The following BNC2 variants were observed in gnomAD, a reference collection of about 807,000 sequenced individuals.
The protein encoded by BNC2 is zinc finger protein basonuclin-2.
BNC2 carries 20 observed loss-of-function variants against 76.3 expected under a neutral mutation model. That is an observed-to-expected ratio of 0.26 (90% CI 0.18 to 0.38). BNC2 has a LOEUF of 0.38. BNC2 is among the 10% of genes least tolerant of loss of function. The pLI, the probability that BNC2 is intolerant of heterozygous loss-of-function variation, is 1.00. For synonymous variants in BNC2, 582 were observed against 514.8 expected (o/e 1.13, Z -1.77); for missense variants, 1,382 against 1,399.8 (o/e 0.99, Z 0.20).
chr9:16,447,729 GC>G, intron 5 of BNC2, among the ~76,000 whole-genome samples: 1 of 152,104 alleles, frequency 6.6e-6, no homozygotes, highest in Non-Finnish European at 1.5e-5. Flanking sequence ...TCCCTAAGAG[GC>G]CTTGGAAACC....
At chr9:16,789,009 T>G (rs1217353573) in intron 1 of BNC2, among the ~76,000 whole-genome samples, 1 of 152,164 alleles carries the variant, frequency 6.6e-6, no homozygotes, top group Admixed American at 6.5e-5. Flanking sequence ...CTTGCTCCTC[T>G]CAAATCCATC....
chr9:16,709,547 A>T (rs1823773829), intron 3 of BNC2, among the ~76,000 whole-genome samples: 1 of 152,118 alleles, frequency 6.6e-6, no homozygotes, highest in Admixed American at 6.5e-5. Context: ...GATGTTAAAG[A>T]ACTCAGATGC....
rs976987970 is a variant in BNC2, at chr9:16,436,957, C to G, written c.1237G>C (p.Asp413His). Reference protein sequence around the residue: ...SPIQNSAPVSDLTKTEHPKSS... With the variant: ...SPIQNSAPVSHLTKTEHPKSS... ...TTTGGGTGTTCAGTTTTGGTTAGAT[C>G]ACTGACTGGGGCAGAATTCTGAATG... Residue 413 changes from aspartate (D) to histidine (H), a missense_variant, in exon 6 of 7, where the codon GAT becomes CAT. By Grantham distance (81) the Asp-to-His change is moderately conservative (BLOSUM62 -1). This residue lies in a region of BNC2 where 557 missense variants were observed against 540.9 expected (regional missense o/e 1.03). Coordinates refer to ENST00000380672, the MANE Select transcript of BNC2 (RefSeq NM_017637.6). 6.2e-7 allele frequency: 1 copy of G among 1,614,016 alleles called. No individual in the cohort carries two copies. The highest frequency in any genetic ancestry group is 8.5e-7 in the Non-Finnish European group (1 of 1,180,042).
chr9:16,636,309 C>CT (rs112608609), intron 3 of BNC2, among the ~76,000 whole-genome samples: 47 of 148,318 alleles, frequency 3.2e-4, no homozygotes, highest in Admixed American at 6.7e-4. Context: ...TGAAGACTTT[C>CT]TTTTTTTTTT....
intron 1 of BNC2, among the ~76,000 whole-genome samples, chr9:16,768,535 A>C (rs2135438724): frequency 6.6e-6 from 1 of 152,314 alleles, no homozygotes; most frequent in South Asian, 2.1e-4. Flanking sequence ...GATAGACCAA[A>C]TGCACATGTT....
chr9:16,840,912 C>G lies in BNC2; in HGVS notation c.3+29734G>C, dbSNP rs1818808249. 2.0e-5 allele frequency among the ~76,000 whole-genome samples: 3 copies of G among 152,322 alleles called. No homozygotes were observed. The South Asian group carries it at 6.2e-4, about 32-fold the overall frequency. On this transcript the variant is annotated intron_variant, in intron 1 of 6. Coordinates refer to ENST00000380672, the MANE Select transcript of BNC2 (RefSeq NM_017637.6). ...GCCACTCCACAATAAACAGGCCTAA[C>G]TGTAGATAATATTGTATCTAACAAA...
At chr9:16,671,710 C>T (rs1822482906) in intron 3 of BNC2, among the ~76,000 whole-genome samples, 1 of 152,170 alleles carries the variant, frequency 6.6e-6, no homozygotes, top group South Asian at 2.1e-4. Context: ...AGTTGGCCCA[C>T]CGTTAGTCAC....
chr9:16,796,303 C>T (rs553498234), intron 1 of BNC2, among the ~76,000 whole-genome samples: 29 of 152,272 alleles, frequency 1.9e-4, no homozygotes, highest in African/African-American at 6.7e-4. Context: ...TCACAAAAGT[C>T]TAGTCCTTTA....
intron 4 of BNC2, among the ~76,000 whole-genome samples, chr9:16,579,294 T>A (rs1047237010): frequency 2.0e-5 from 3 of 152,044 alleles, no homozygotes; most frequent in Admixed American, 1.3e-4. Context: ...ATTTTTTTTT[T>A]ATTTTTGAGA....
At chr9:16,815,695 A>G (rs941792952) in intron 1 of BNC2, among the ~76,000 whole-genome samples, 5 of 152,206 alleles carry the variant, frequency 3.3e-5, no homozygotes, top group Non-Finnish European at 7.3e-5. Context: ...ACTTCCTGCT[A>G]TATCTGTGCT....
intron 1 of BNC2, among the ~76,000 whole-genome samples, chr9:16,767,257 C>T (rs1483274025): frequency 2.6e-5 from 4 of 152,194 alleles, no homozygotes; most frequent in Admixed American, 1.3e-4. Context: ...ACTCAGTAGG[C>T]ATGCAATGAG....
At chr9:16,806,890 G>A (rs1817928104) in intron 1 of BNC2, among the ~76,000 whole-genome samples, 1 of 152,206 alleles carries the variant, frequency 6.6e-6, no homozygotes, top group African/African-American at 2.4e-5. Flanking sequence ...TGCCAGCTCT[G>A]CATGCTGACC....
At position 16,419,231 on chromosome 9, in the gene BNC2, A is replaced by C. The variant is rs1359540880; in HGVS notation, c.3058T>G (p.Ser1020Ala). ...AAGCTGCTGAACATAAGAGATCCTGAAACTTCAGCCCCTAGGCTGCCAGGG... is the reference window on the plus strand; with the variant it reads ...AAGCTGCTGAACATAAGAGATCCTGCAACTTCAGCCCCTAGGCTGCCAGGG... ...ALPGSLGAEV[S>A]GSLMFSSLSG... The change falls in exon 7 of 7, where the codon TCA (serine) becomes GCA (alanine). Residue 1020 changes from serine (S) to alanine (A), a missense_variant. By Grantham distance (99) the Ser-to-Ala change is moderately conservative. Transcript: ENST00000380672. The C allele has an allele frequency of 2.3e-5, 37 of 1,614,076 alleles. No homozygotes were observed. Among genetic ancestry groups the C allele is most frequent in the Non-Finnish European group, 3.1e-5 (36 of 1,180,048 alleles).
intron 1 of BNC2, among the ~76,000 whole-genome samples, chr9:16,833,731 G>A (rs769128313): frequency 6.6e-6 from 1 of 152,128 alleles, no homozygotes; most frequent in African/African-American, 2.4e-5. Flanking sequence ...AGGGAATGAC[G>A]GGTGGCTAAG....
chr9:16,845,749 T>C (rs1280705759), intron 1 of BNC2, among the ~76,000 whole-genome samples: 2 of 151,596 alleles, frequency 1.3e-5, no homozygotes, highest in Non-Finnish European at 2.9e-5. Context: ...AATAGGAAAA[T>C]TATACCAAGA....
At position 16,470,929 on chromosome 9, in the gene BNC2, C is replaced by G. The variant is rs540329530; in HGVS notation, c.670-33405G>C. Among the ~76,000 whole-genome samples the G allele has an allele frequency of 2.6e-5, 4 of 152,254 alleles. 2 individuals are homozygous for G. The highest frequency in any genetic ancestry group is 2.6e-4 in the Admixed American group (4 of 15,298). Reference sequence around the variant, plus strand: ...CGTGGAGCTGTGAGAAGAGGGCCACCGACCTTTAGACCCGAGAATGGTAAA... The same window carrying G: ...CGTGGAGCTGTGAGAAGAGGGCCACGGACCTTTAGACCCGAGAATGGTAAA... On this transcript the variant is annotated intron_variant, in intron 5 of 6. Coordinates refer to ENST00000380672, the MANE Select transcript of BNC2 (RefSeq NM_017637.6).
chr9:16,521,257 T>C (rs1334146940), intron 5 of BNC2, among the ~76,000 whole-genome samples: 2 of 152,058 alleles, frequency 1.3e-5, no homozygotes, highest in African/African-American at 4.8e-5. Flanking sequence ...GGAACAAAAA[T>C]AGTGGAAGCT....
chr9:16,505,990 T>C (rs897608977), intron 5 of BNC2, among the ~76,000 whole-genome samples: 3 of 152,212 alleles, frequency 2.0e-5, no homozygotes, highest in African/African-American at 7.2e-5. Context: ...TAATTGTAGC[T>C]TTCTGGAAGC....
At chr9:16,533,354 T>C (rs532531700) in intron 5 of BNC2, among the ~76,000 whole-genome samples, 2 of 152,314 alleles carry the variant, frequency 1.3e-5, no homozygotes, top group South Asian at 4.1e-4. Context: ...TTATAATAAA[T>C]TAGTAAATGA....
Sources: gnomAD v4.1 joint callset for allele counts (sites outside exome capture counted in the v4.1 genomes callset) on GRCh38, gnomAD v4.1.1 for gene constraint, gnomAD v4.1.1 regional missense constraint, MANE v1.5 for transcripts, NCBI Gene and HGNC (gene_info 2026-07-23, HGNC 2026-07-21) for gene names.